Variants in MTMR9 observed in about 807,000 individuals in gnomAD.
MTMR9 encodes the protein myotubularin-related protein 9.
Under a neutral mutation model 69.5 loss-of-function variants are expected in MTMR9, and 39 were observed. The observed-to-expected ratio is 0.56, with a 90% CI of 0.43 to 0.73. The LOEUF (loss-of-function observed/expected upper bound fraction) is 0.73, where lower values mean the gene tolerates loss of function less well. MTMR9 is among the 30% of genes least tolerant of loss of function. MTMR9 has a pLI of 0.00. For missense variants in MTMR9, 900 were observed against 671.2 expected (o/e 1.34, Z -3.77); for synonymous variants, 354 against 240.8 (o/e 1.47, Z -4.35).
intron 1 of MTMR9, among the ~76,000 whole-genome samples, chr8:11,291,636 T>A (rs932325677): frequency 1.3e-5 from 2 of 152,118 alleles, no homozygotes; most frequent in Admixed American, 1.3e-4. Flanking sequence ...TATTCTGACA[T>A]AAAGTAACAA....
chr8:11,330,094 G>A (rs1290692750), downstream of MTMR9, among the ~76,000 whole-genome samples: 11 of 151,544 alleles, frequency 7.3e-5, no homozygotes, highest in African/African-American at 9.7e-5. Context: ...CGCCCCATCC[G>A]GGAGGGAGGT....
At chr8:11,312,930 T>A (rs1309112438) in intron 6 of MTMR9, among the ~76,000 whole-genome samples, 2 of 152,202 alleles carry the variant, frequency 1.3e-5, no homozygotes, top group Non-Finnish European at 2.9e-5. Context: ...GCAGTGATGT[T>A]TTGAAAGGAG....
the MTMR9 span, among the ~76,000 whole-genome samples, chr8:11,336,879 T>C: frequency 1.3e-5 from 2 of 152,198 alleles, no homozygotes; most frequent in Non-Finnish European, 2.9e-5. Flanking sequence ...TGGGATGGAT[T>C]GCTATTGTAT....
intron 9 of MTMR9, among the ~76,000 whole-genome samples, chr8:11,322,113 G>C (rs1202996211): frequency 6.6e-6 from 1 of 152,174 alleles, no homozygotes; most frequent in Non-Finnish European, 1.5e-5. Context: ...AAGTAACAGG[G>C]AGAGAGGCAT....
At position 11,284,922 on chromosome 8, in the gene MTMR9, G is replaced by A; in HGVS notation, c.34G>A (p.Val12Met). 1.2e-6 allele frequency: 2 copies of A among 1,611,880 alleles called. No individual in the cohort carries two copies. The highest frequency in any genetic ancestry group is 1.7e-6 in the Non-Finnish European group (2 of 1,179,058). Reference sequence around the variant, plus strand: ...TGCGGAGCTGATTAAGACCCCGCGGGTGGACAATGTGGTGCTGCACCGGCC... The same window carrying A: ...TGCGGAGCTGATTAAGACCCCGCGGATGGACAATGTGGTGCTGCACCGGCC... The part of the protein sequence containing the change: ...EFAELIKTPR[V>M]DNVVLHRPFY... The change falls in exon 1 of 10, where the codon GTG (valine) becomes ATG (methionine). Residue 12 changes from valine (V) to methionine (M), a missense_variant. Physicochemically the swap from Val to Met is conservative, Grantham distance 21. Transcript: ENST00000221086.
chr8:11,328,849 T>G (rs1244121787), downstream of MTMR9, among the ~76,000 whole-genome samples: 1 of 152,246 alleles, frequency 6.6e-6, no homozygotes, highest in Non-Finnish European at 1.5e-5. Flanking sequence ...CCTTCTGATA[T>G]GATCCATCCA....
At chr8:11,317,371 G>A (rs1800466526) in intron 8 of MTMR9, 1 of 152,350 alleles carries the variant, frequency 6.6e-6, no homozygotes, top group Non-Finnish European at 1.5e-5. Context: ...GGATTGGGTG[G>A]CAGCGGGATT....
At chr8:11,336,225 A>G in the MTMR9 span, among the ~76,000 whole-genome samples, 1 of 152,198 alleles carries the variant, frequency 6.6e-6, no homozygotes, top group Non-Finnish European at 1.5e-5. Context: ...CAGTAGCCAG[A>G]TTGGTCTTGC....
At chr8:11,307,088 T>C (rs951489611) in intron 5 of MTMR9, among the ~76,000 whole-genome samples, 4 of 152,202 alleles carry the variant, frequency 2.6e-5, no homozygotes, top group Non-Finnish European at 4.4e-5. Context: ...TTTTATTTTT[T>C]TGGGATGGAG....
rs770318995 is a variant in MTMR9 at position 11,319,844 on chromosome 8, C to G, written c.1486+6C>G. Reference sequence around the variant, plus strand: ...GAGTCTTCCACTGTGGGAAGGTAAACCACGCATCCTTTGCAAACTTCTTAA... The same window carrying G: ...GAGTCTTCCACTGTGGGAAGGTAAAGCACGCATCCTTTGCAAACTTCTTAA... On this transcript the variant is annotated splice_donor_region_variant and intron_variant, in intron 9 of 9. Transcript: ENST00000221086. 1.2e-6 allele frequency: 2 copies of G among 1,613,646 alleles called. No individual in the cohort carries two copies. The highest frequency in any genetic ancestry group is 1.3e-5 in the African/African-American group (1 of 74,890).
chr8:11,298,870 C>G (rs1269776526), intron 2 of MTMR9: 16 of 985,034 alleles, frequency 1.6e-5, no homozygotes, highest in Non-Finnish European at 1.8e-5. Context: ...TTCAAGTGCT[C>G]CAGGTAAATA....
intron 4 of MTMR9, among the ~76,000 whole-genome samples, chr8:11,305,703 A>G (rs1487425107): frequency 2.0e-5 from 3 of 152,230 alleles, no homozygotes; most frequent in Non-Finnish European, 2.9e-5. Flanking sequence ...TACATAATAG[A>G]CAGTCAGCTT....
chr8:11,309,501 AT>A (rs1204112549), intron 5 of MTMR9, 25 bp from the exon 6 acceptor site: 1 of 1,570,008 alleles, frequency 6.4e-7, no homozygotes, highest in Non-Finnish European at 8.6e-7. Flanking sequence ...TGGGTTTGTT[AT>A]TTTTTACTTT....
rs1442379410 is a variant in MTMR9, at chr8:11,324,280, A to G, written c.*1492A>G. On this transcript the variant is annotated 3_prime_UTR_variant, in exon 10 of 10. Coordinates refer to ENST00000221086, the MANE Select transcript of MTMR9 (RefSeq NM_015458.4). ...AAATACTTTTCATCACCAATTGCCC[A>G]ATTCATCTTTCTTCTGCTTCCTCAG... The G allele has an allele frequency of 6.6e-6, 1 of 152,240 alleles. No homozygotes were observed. Among genetic ancestry groups the G allele is most frequent in the African/African-American group, 2.4e-5 (1 of 41,460 alleles). 9.4% of individuals were successfully genotyped at this position (152,240 alleles called of 1,614,324 possible).
intron 5 of MTMR9, 27 bp downstream of exon 5, chr8:11,306,434 C>G (rs372028999): frequency 6.3e-7 from 1 of 1,597,588 alleles, no homozygotes; most frequent in East Asian, 2.2e-5. Flanking sequence ...ATAGTACAGA[C>G]TCTTATTAGA....
rs575447168 is a variant in MTMR9 at position 11,301,574 on chromosome 8, T to C, written c.417+1426T>C. Among the ~76,000 whole-genome samples, 3 of 152,192 alleles carry C rather than the reference T, an allele frequency of 2.0e-5. No homozygotes were observed. The East Asian group carries it at 5.8e-4, about 29-fold the overall frequency. ...CTCTTTAAGAAAGCACAGGAGAAAA[T>C]CTTTATGACCTTCAGTTAGACAGAG... On this transcript the variant is annotated intron_variant, in intron 3 of 9. Coordinates refer to ENST00000221086, the MANE Select transcript of MTMR9 (RefSeq NM_015458.4).
chr8:11,322,230 A>T (rs1376400901), intron 9 of MTMR9, among the ~76,000 whole-genome samples: 2 of 152,158 alleles, frequency 1.3e-5, no homozygotes, highest in African/African-American at 4.8e-5. Flanking sequence ...CATTTAAGGG[A>T]TCTTACATGT....
chr8:11,338,733 G>A, the MTMR9 span, among the ~76,000 whole-genome samples: 1 of 152,164 alleles, frequency 6.6e-6, no homozygotes, highest in African/African-American at 2.4e-5. Context: ...TACATTTTTT[G>A]CTCAGTTTCT....
At chr8:11,331,407 C>G (rs368530281), downstream of MTMR9, 8 of 1,613,950 alleles carry the variant, frequency 5.0e-6, no homozygotes, top group South Asian at 8.8e-5. Context: ...TCCTGACATC[C>G]GAGGCTGGGC....
Sources: gnomAD v4.1 joint callset for allele counts (sites outside exome capture counted in the v4.1 genomes callset) on GRCh38, gnomAD v4.1.1 for gene constraint, MANE v1.5 for transcripts, NCBI Gene and HGNC (gene_info 2026-07-23, HGNC 2026-07-21) for gene names.